The following ATP8A2 variants were observed in gnomAD, a reference collection of about 807,000 sequenced individuals.
ATP8A2 encodes the protein phospholipid-transporting ATPase IB.
In ATP8A2, 100 loss-of-function variants were observed where a neutral mutation model predicts 165.6. That is an observed-to-expected ratio of 0.60 (90% CI 0.51 to 0.71). ATP8A2 has a LOEUF of 0.71. Ranked by LOEUF, ATP8A2 falls within the 30% of genes least tolerant of loss-of-function variation. ATP8A2 has a pLI of 0.00. For synonymous variants in ATP8A2, 543 were observed against 548.8 expected (o/e 0.99, Z 0.15); for missense variants, 1,227 against 1,479.5 (o/e 0.83, Z 2.80).
chr13:25,882,005 A>G (rs757262032), intron 33 of ATP8A2, among the ~76,000 whole-genome samples: 31 of 151,618 alleles, frequency 2.0e-4, no homozygotes, highest in Admixed American at 5.9e-4. Flanking sequence ...GGGCAAAGAG[A>G]AAAAAGAGCC....
intron 25 of ATP8A2, among the ~76,000 whole-genome samples, chr13:25,723,629 A>C (rs1299551736): frequency 6.6e-6 from 1 of 152,098 alleles, no homozygotes; most frequent in East Asian, 1.9e-4. Context: ...ATTTGCACAG[A>C]GGCTGTAGCG....
rs1243241630 is a variant in ATP8A2 at position 26,025,211 on chromosome 13, GT to G, written c.*5230del. On this transcript the variant is annotated 3_prime_UTR_variant, in exon 37 of 37. Transcript: ENST00000381655. Reference sequence around the variant, plus strand: ...TTCCCTGCACAGTAAAGACTTTTGGGTTTTCATGGATAAAATCAATGTCAGT... The same window carrying G: ...TTCCCTGCACAGTAAAGACTTTTGGGTTTCATGGATAAAATCAATGTCAGT... 6.6e-6 allele frequency: 1 copy of G among 151,278 alleles called. No individual in the cohort carries two copies. Among genetic ancestry groups the G allele is most frequent in the African/African-American group, 2.4e-5 (1 of 41,158 alleles). The allele number at this position is 151,278 out of a possible 1,614,324, so 9.4% of individuals were successfully genotyped here. A position where few individuals can be genotyped will look rare whatever the true frequency, so the allele number is the denominator to read the frequency against.
At chr13:25,691,644 G>A (rs1244390914) in intron 24 of ATP8A2, among the ~76,000 whole-genome samples, 1 of 152,178 alleles carries the variant, frequency 6.6e-6, no homozygotes, top group Non-Finnish European at 1.5e-5. Context: ...ATATCATCCT[G>A]TCTTCCTTTG....
intron 10 of ATP8A2, among the ~76,000 whole-genome samples, chr13:25,548,028 A>G (rs1023348627): frequency 6.6e-6 from 1 of 152,054 alleles, no homozygotes; most frequent in African/African-American, 2.4e-5. Flanking sequence ...GTTCAAGACC[A>G]CCCTGGGCAA....
At chr13:25,432,021 A>C (rs1593298771) in intron 1 of ATP8A2, among the ~76,000 whole-genome samples, 1 of 152,314 alleles carries the variant, frequency 6.6e-6, no homozygotes, top group South Asian at 2.1e-4. Context: ...TCTTTTACTT[A>C]GTACAATATT....
intron 1 of ATP8A2, among the ~76,000 whole-genome samples, chr13:25,396,173 A>G (rs542054135): frequency 6.6e-6 from 1 of 151,982 alleles, no homozygotes; most frequent in Admixed American, 6.6e-5. Flanking sequence ...GAGTGGGGAA[A>G]CCCAGCAAGG....
chr13:25,999,331 A>ACCTT (rs1438129624), intron 35 of ATP8A2, among the ~76,000 whole-genome samples: 1 of 152,144 alleles, frequency 6.6e-6, no homozygotes, highest in African/African-American at 2.4e-5. Flanking sequence ...CTACAAGCTG[A>ACCTT]GTCCAAAGTT....
At chr13:25,831,568 C>T (rs1411352287) in intron 28 of ATP8A2, among the ~76,000 whole-genome samples, 1 of 152,074 alleles carries the variant, frequency 6.6e-6, no homozygotes, top group African/African-American at 2.4e-5. Context: ...TGAGGCCGGG[C>T]GTGTTGGCTC....
At position 25,505,917 on chromosome 13, in the gene ATP8A2, C is replaced by T. The variant is rs575244077; in HGVS notation, c.222-24082C>T. ...AAATTAACTGCAACTTCACAAGACC[C>T]GCGATAGAGAAAGGAAAATGATGGC... On this transcript the variant is annotated intron_variant, in intron 2 of 36. Coordinates refer to ENST00000381655, the MANE Select transcript of ATP8A2 (RefSeq NM_016529.6). Among the ~76,000 whole-genome samples, 5 of 152,126 alleles carry T rather than the reference C, an allele frequency of 3.3e-5. No individual in the cohort carries two copies. In the South Asian group the frequency reaches 6.2e-4, roughly 19 times the overall value.
At chr13:25,699,403 A>T in intron 25 of ATP8A2, 58 bp downstream of exon 25, 2 of 1,284,672 alleles carry the variant, frequency 1.6e-6, no homozygotes, top group African/African-American at 1.5e-5. Flanking sequence ...TCCCGTGCTT[A>T]TACAAAAGAA....
intron 30 of ATP8A2, among the ~76,000 whole-genome samples, chr13:25,851,624 C>T (rs1952011798): frequency 1.3e-5 from 2 of 151,796 alleles, no homozygotes; most frequent in Admixed American, 6.6e-5. Context: ...ACTTTAGAAG[C>T]TACATTTAGA....
At chr13:25,879,287 C>G (rs187359654) in intron 33 of ATP8A2, among the ~76,000 whole-genome samples, 6 of 152,182 alleles carry the variant, frequency 3.9e-5, no homozygotes, top group African/African-American at 1.4e-4. Flanking sequence ...CTGAGAGGGA[C>G]AGCAGGAGGC....
intron 30 of ATP8A2, among the ~76,000 whole-genome samples, chr13:25,845,254 C>T (rs1315070925): frequency 1.3e-5 from 2 of 152,150 alleles, no homozygotes; most frequent in Non-Finnish European, 2.9e-5. Context: ...GGTGTCAGCC[C>T]ACACCCGGGT....
chr13:25,869,087 A>C (rs929928980), intron 33 of ATP8A2, among the ~76,000 whole-genome samples: 16 of 151,988 alleles, frequency 1.1e-4, no homozygotes, highest in African/African-American at 3.4e-4. Flanking sequence ...AAAAAAAAAA[A>C]AAAAAACCTT....
chr13:26,023,100 A>AAT lies in ATP8A2; in HGVS notation c.*3117_*3118dup, dbSNP rs1957107658. 1 of 152,194 alleles carries AAT rather than the reference A, an allele frequency of 6.6e-6. No individual in the cohort carries two copies. Among genetic ancestry groups the AAT allele is most frequent in the Admixed American group, 6.5e-5 (1 of 15,274 alleles). The allele number at this position is 152,194 out of a possible 1,614,324, so 9.4% of individuals were successfully genotyped here. On this transcript the variant is annotated 3_prime_UTR_variant, in exon 37 of 37. Coordinates refer to ENST00000381655, the MANE Select transcript of ATP8A2 (RefSeq NM_016529.6). ...TCAGGAGAGCAGAGTAGTCTGGATGAATACTCTGTGCTGATCAGAACGGGC... is the reference window on the plus strand; with the variant it reads ...TCAGGAGAGCAGAGTAGTCTGGATGAATATACTCTGTGCTGATCAGAACGGGC...
chr13:25,676,512 C>G (rs1032053075), intron 24 of ATP8A2, among the ~76,000 whole-genome samples: 4 of 152,080 alleles, frequency 2.6e-5, no homozygotes, highest in African/African-American at 9.7e-5. Context: ...CATTGCAGCC[C>G]TTGTCCTGGC....
intron 30 of ATP8A2, among the ~76,000 whole-genome samples, chr13:25,858,705 G>C (rs1593460143): frequency 6.6e-6 from 1 of 152,176 alleles, no homozygotes; most frequent in African/African-American, 2.4e-5. Context: ...AGCAGCTACT[G>C]GTTGGAAATT....
rs113460189 is a variant in ATP8A2 at position 25,456,550 on chromosome 13, C to T, written c.77-12427C>T. Among the ~76,000 whole-genome samples the T allele has an allele frequency of 1.0e-3, 152 of 152,202 alleles. 1 individual carries two copies. Among genetic ancestry groups the T allele is most frequent in the African/African-American group, 3.3e-3 (138 of 41,526 alleles). The stretch of plus-strand genomic sequence containing the variant: ...GGATCTAACCCAACCCAAGAGTGTG[C>T]GACAAGGGAAGACATCTCAGAGGAG... On this transcript the variant is annotated intron_variant, in intron 1 of 36. Transcript: ENST00000381655.
rs184344227 is a variant in ATP8A2, at chr13:25,700,707, C to G, written c.2384+1362C>G. Among the ~76,000 whole-genome samples, 306 of 152,280 alleles carry G rather than the reference C, an allele frequency of 2.0e-3. 2 individuals carry two copies. Among genetic ancestry groups the G allele is most frequent in the Non-Finnish European group, 3.9e-3 (263 of 68,032 alleles). On this transcript the variant is annotated intron_variant, in intron 25 of 36. Coordinates refer to ENST00000381655, the MANE Select transcript of ATP8A2 (RefSeq NM_016529.6). ...GTTTGGACGTAGGTTTTCGACTCCT[C>G]TGGGTACGTGCCTAGAAATGGAGTT...
Sources: allele counts gnomAD v4.1 joint callset (sites outside exome capture counted in the v4.1 genomes callset), GRCh38; gene constraint gnomAD v4.1.1; transcripts MANE v1.5; gene names NCBI Gene and HGNC (gene_info 2026-07-23, HGNC 2026-07-21).